The following EXTL3 variants were observed in gnomAD, a reference collection of about 807,000 sequenced individuals.
EXTL3 encodes the protein exostosin-like 3.
In EXTL3, 27 loss-of-function variants were observed where a neutral mutation model predicts 69.3. That is an observed-to-expected ratio of 0.39 (90% CI 0.29 to 0.54). EXTL3 has a LOEUF of 0.54. EXTL3 is among the 20% of genes least tolerant of loss of function. The pLI is 0.69. For synonymous variants in EXTL3, 511 were observed against 499.4 expected, an observed-to-expected ratio of 1.02 and a Z score of -0.31; for missense variants, 1,003 against 1,231.8, an observed-to-expected ratio of 0.81 and a Z score of 2.78.
intron 5 of EXTL3, chr8:28,741,842 G>A (rs1386526677): frequency 1.3e-5 from 2 of 152,008 alleles, no homozygotes; most frequent in African/African-American, 4.8e-5. Flanking sequence ...AAGATAATTA[G>A]CACATTTATT....
rs151058988 is a variant in EXTL3, at chr8:28,653,798, C to T, written c.-53+30988C>T. ...TTTTGATTACTGTAGCTTTGTAATACGTTTTGAAATCAGAACATGTGAGCC... is the reference window on the plus strand; with the variant it reads ...TTTTGATTACTGTAGCTTTGTAATATGTTTTGAAATCAGAACATGTGAGCC... On this transcript the variant is annotated intron_variant, in intron 1 of 6. Transcript: ENST00000523149. Among the ~76,000 whole-genome samples, 285 of 152,258 alleles carry T rather than the reference C, an allele frequency of 1.9e-3. 1 individual carries two copies. The highest frequency in any genetic ancestry group is 6.1e-3 in the African/African-American group (252 of 41,554).
At chr8:28,675,284 A>G (rs1402653188) in intron 1 of EXTL3, among the ~76,000 whole-genome samples, 2 of 152,204 alleles carry the variant, frequency 1.3e-5, no homozygotes, top group Non-Finnish European at 2.9e-5. Flanking sequence ...ATAAATAACT[A>G]GAATTTCTAT....
At position 28,616,421 on chromosome 8, in the gene EXTL3, C is replaced by T. The variant is rs62504317; in HGVS notation, n.314+8663C>T. ...CGGGTGGATCATGAGGTCAGGAGAT[C>T]GAGACCATCCTGGCTAACAGGGTGA... On this transcript the variant is annotated intron_variant and non_coding_transcript_variant, in intron 2 of 4. Coordinates refer to the EXTL3 transcript ENST00000522725. 3.0e-3 allele frequency among the ~76,000 whole-genome samples: 454 copies of T among 152,018 alleles called. 4 individuals are homozygous for T. Among genetic ancestry groups the T allele is most frequent in the Middle Eastern group, 0.01 (3 of 292 alleles).
chr8:28,631,062 C>T (rs1455324814), intron 1 of EXTL3, among the ~76,000 whole-genome samples: 2 of 151,712 alleles, frequency 1.3e-5, no homozygotes, highest in Non-Finnish European at 2.9e-5. Context: ...TTAGAAGCCA[C>T]GACAGAAAAG....
chr8:28,718,036 C>G lies in EXTL3; in HGVS notation c.1977C>G (p.Pro659=), dbSNP rs138175937. 2 of 1,613,906 alleles carry G rather than the reference C, an allele frequency of 1.2e-6. No individual in the cohort carries two copies. The highest frequency in any genetic ancestry group is 1.7e-6 in the Non-Finnish European group (2 of 1,179,970). The part of the protein sequence containing the change: ...EFQAALGGNV[P]REQFTVVMLT... ...AGGCAGCGCTTGGAGGCAATGTTCC[C>G]CGAGAGCAGTTCACGGTGGTGATGT... Residue 659 remains proline, a synonymous_variant, in exon 3 of 7, where the codon CCC becomes CCG. Coordinates refer to ENST00000220562, the MANE Select transcript of EXTL3 (RefSeq NM_001440.4).
At chr8:28,707,519 C>T (rs1008111157) in intron 1 of EXTL3, among the ~76,000 whole-genome samples, 3 of 152,206 alleles carry the variant, frequency 2.0e-5, no homozygotes, top group Admixed American at 6.5e-5. Context: ...GGACTTTCTG[C>T]GTTAGCTAAG....
intron 3 of EXTL3, among the ~76,000 whole-genome samples, chr8:28,723,889 A>G (rs1189696560): frequency 1.3e-5 from 2 of 151,756 alleles, no homozygotes; most frequent in Non-Finnish European, 2.9e-5. Flanking sequence ...TGATCTGCCC[A>G]TTTCTGCCTC....
At chr8:28,726,385 T>C (rs776126775) in intron 3 of EXTL3, among the ~76,000 whole-genome samples, 1 of 152,226 alleles carries the variant, frequency 6.6e-6, no homozygotes, top group Non-Finnish European at 1.5e-5. Context: ...AAGAAAACTT[T>C]TACTCTTCCA....
Position 28,717,726 on chromosome 8 carries a change from G to C in EXTL3, c.1667G>C (p.Arg556Pro). 2 of 1,614,250 alleles carry C rather than the reference G, an allele frequency of 1.2e-6. No individual in the cohort carries two copies. The highest frequency in any genetic ancestry group is 1.7e-6 in the Non-Finnish European group (2 of 1,180,044). The change falls in exon 3 of 7, where the codon CGT becomes CCT. Residue 556 changes from arginine to proline, a missense_variant. Physicochemically the swap from Arg to Pro is moderately radical, Grantham distance 103. Transcript: ENST00000220562. This position sits in a 1 kb window ranked among gnomAD's most constrained non-coding sequence, Gnocchi z 8.3. ...GAGGCGGCAGCTGAGATCCCCCACC[G>C]TTCAGGCAAGGCGGCTGGAACTGAC... ...REEAAAEIPH[R>P]SGKAAGTDPN...
At chr8:28,660,545 T>C (rs1313586561) in intron 1 of EXTL3, among the ~76,000 whole-genome samples, 2 of 152,146 alleles carry the variant, frequency 1.3e-5, no homozygotes, top group Non-Finnish European at 2.9e-5. Flanking sequence ...TGTGTTAAAA[T>C]ATACATAACA....
chr8:28,683,950 A>G (rs1807535627), intron 1 of EXTL3, among the ~76,000 whole-genome samples: 1 of 152,024 alleles, frequency 6.6e-6, no homozygotes, highest in South Asian at 2.1e-4. Flanking sequence ...AGCCTCAGGT[A>G]ACCATTGTTG....
chr8:28,716,858 C>T lies in EXTL3; in HGVS notation c.799C>T (p.Arg267Trp), dbSNP rs558506163. The change falls in exon 3 of 7, where the codon CGG (arginine) becomes TGG (tryptophan). Residue 267 changes from arginine to tryptophan, a missense_variant. Arg to Trp is a moderately radical substitution (Grantham distance 101). Around this residue, in one of 2 missense-constraint regions of EXTL3, gnomAD observed 742 missense variants for 815.4 expected, o/e 0.91. Transcript: ENST00000220562. This position sits in a 1 kb window ranked among gnomAD's most constrained non-coding sequence, Gnocchi z 7.1. The part of the protein sequence containing the change: ...EKQLYSLPHW[R>W]TDGHNHVIIN... ...GCAGTTGTATTCCCTGCCACACTGGCGGACGGATGGACACAACCATGTCAT... is the reference window on the plus strand; with the variant it reads ...GCAGTTGTATTCCCTGCCACACTGGTGGACGGATGGACACAACCATGTCAT... 3.1e-6 allele frequency: 5 copies of T among 1,614,186 alleles called. No individual in the cohort carries two copies. Among genetic ancestry groups the T allele is most frequent in the South Asian group, 1.1e-5 (1 of 91,086 alleles).
chr8:28,706,837 G>C (rs1243295332), intron 1 of EXTL3, among the ~76,000 whole-genome samples: 1 of 145,272 alleles, frequency 6.9e-6, no homozygotes, highest in Non-Finnish European at 1.5e-5. Flanking sequence ...TCAAATTTAA[G>C]CTTTTTTTTT....
At chr8:28,649,041 C>T (rs561495315) in intron 1 of EXTL3, among the ~76,000 whole-genome samples, 6 of 152,024 alleles carry the variant, frequency 3.9e-5, no homozygotes, top group South Asian at 2.1e-4. Context: ...TACAGATGCC[C>T]GCCACCGCTC....
chr8:28,686,944 A>G (rs1465937386), intron 1 of EXTL3, among the ~76,000 whole-genome samples: 1 of 152,110 alleles, frequency 6.6e-6, no homozygotes, highest in African/African-American at 2.4e-5. Flanking sequence ...TAATATTTGA[A>G]CCCAGGCCCA....
intron 1 of EXTL3, among the ~76,000 whole-genome samples, chr8:28,645,605 T>C (rs1806816367): frequency 6.6e-6 from 1 of 152,204 alleles, no homozygotes; most frequent in Non-Finnish European, 1.5e-5. Context: ...CTTATCTGTG[T>C]TTTAAACTTT....
intron 1 of EXTL3, among the ~76,000 whole-genome samples, chr8:28,695,297 T>G (rs937925137): frequency 2.0e-5 from 3 of 151,844 alleles, no homozygotes; most frequent in African/African-American, 7.3e-5. Context: ...CCCGGCTAAT[T>G]TTTGTATTTT....
Position 28,750,983 on chromosome 8 carries a change from GGA to G in EXTL3, c.*118_*119del. 1.2e-6 allele frequency: 1 copy of G among 842,748 alleles called. No individual in the cohort carries two copies. The highest frequency in any genetic ancestry group is 1.9e-6 in the Non-Finnish European group (1 of 520,924). The allele number at this position is 842,748 out of a possible 1,614,324, so 52.2% of individuals were successfully genotyped here. A position where few individuals can be genotyped will look rare whatever the true frequency, so the allele number is the denominator to read the frequency against. On this transcript the variant is annotated 3_prime_UTR_variant, in exon 7 of 7. Coordinates refer to ENST00000220562, the MANE Select transcript of EXTL3 (RefSeq NM_001440.4). This position sits in a 1 kb window ranked among gnomAD's most constrained non-coding sequence, Gnocchi z 5.2. ...TGGTGGGTGGCCCAGAGCCTCTGCT[GGA>G]AGGGGCAGCAGGAGGAGTGGAAGGA...
chr8:28,661,637 T>G (rs1045793986), intron 1 of EXTL3, among the ~76,000 whole-genome samples: 2 of 151,870 alleles, frequency 1.3e-5, no homozygotes, highest in Non-Finnish European at 2.9e-5. Context: ...CCCAGCACTT[T>G]GGGAGGCCGA....
Sources: gnomAD v4.1 joint callset for allele counts (sites outside exome capture counted in the v4.1 genomes callset) on GRCh38, gnomAD v4.1.1 for gene constraint, gnomAD v4.1.1 regional missense constraint, Gnocchi (gnomAD v3.1) non-coding constraint, MANE v1.5 for transcripts, NCBI Gene and HGNC (gene_info 2026-07-23, HGNC 2026-07-21) for gene names.